Variants in PLD5 observed in about 807,000 individuals in gnomAD.
The protein encoded by PLD5 is inactive phospholipase D5.
In PLD5, 36 loss-of-function variants were observed where a neutral mutation model predicts 61.1. That is an observed-to-expected ratio of 0.59 (90% CI 0.45 to 0.78). The LOEUF (loss-of-function observed/expected upper bound fraction) is 0.78, where lower values mean the gene tolerates loss of function less well. Among genes scored for constraint, PLD5 ranks in the 30% least tolerant of loss-of-function variants. PLD5 has a pLI of 0.00. For missense variants in PLD5, 515 were observed against 644.4 expected (o/e 0.80, Z 2.17); for synonymous variants, 243 against 242.8 (o/e 1.00, Z -0.01).
chr1:242,439,164 T>C (rs1666154534), intron 1 of PLD5, among the ~76,000 whole-genome samples: 2 of 152,178 alleles, frequency 1.3e-5, no homozygotes, highest in African/African-American at 2.4e-5. Flanking sequence ...AACAAATAGA[T>C]CAAAATGTAG....
intron 5 of PLD5, among the ~76,000 whole-genome samples, chr1:242,141,907 C>T (rs940936806): frequency 7.2e-5 from 11 of 152,206 alleles, no homozygotes; most frequent in African/African-American, 2.2e-4. Context: ...TCTTGCATCT[C>T]CACTTCCAGA....
chr1:242,488,108 T>A (rs1668025033), intron 1 of PLD5, among the ~76,000 whole-genome samples: 1 of 152,180 alleles, frequency 6.6e-6, no homozygotes, highest in Non-Finnish European at 1.5e-5. Flanking sequence ...GAACTCTCAT[T>A]AATTGCTAGT....
chr1:242,193,217 T>C (rs1403452523), intron 5 of PLD5, among the ~76,000 whole-genome samples: 1 of 151,954 alleles, frequency 6.6e-6, no homozygotes, highest in Non-Finnish European at 1.5e-5. Flanking sequence ...TCTAGTTTGC[T>C]CTCCAATGTC....
intron 1 of PLD5, among the ~76,000 whole-genome samples, chr1:242,386,888 C>A (rs1160002890): frequency 1.3e-5 from 2 of 152,118 alleles, no homozygotes; most frequent in African/African-American, 4.8e-5. Context: ...GAGGAAGCAT[C>A]ATGTTGTCTG....
intron 1 of PLD5, among the ~76,000 whole-genome samples, chr1:242,354,187 C>T (rs1396127021): frequency 6.6e-6 from 1 of 152,118 alleles, no homozygotes; most frequent in Non-Finnish European, 1.5e-5. Context: ...GCATAAGACA[C>T]TCCCCACCAG....
intron 2 of PLD5, among the ~76,000 whole-genome samples, chr1:242,333,089 G>T (rs1262586948): frequency 2.0e-5 from 3 of 152,130 alleles, no homozygotes; most frequent in Non-Finnish European, 4.4e-5. Flanking sequence ...TTAGGGCCCA[G>T]GAAAACATAT....
Position 242,261,916 on chromosome 1 carries a change from C to T in PLD5, c.607+3421G>A, listed in dbSNP as rs116658835. 3.9e-3 allele frequency among the ~76,000 whole-genome samples: 598 copies of T among 152,236 alleles called. 5 individuals are homozygous for T. Among genetic ancestry groups the T allele is most frequent in the African/African-American group, 0.013 (545 of 41,554 alleles). The stretch of plus-strand genomic sequence containing the variant: ...ACAACCACTTAGAAAACTGACTGGC[C>T]GTATCTATCGAAATCGAACACATAT... On this transcript the variant is annotated intron_variant, in intron 4 of 9. Transcript: ENST00000536534.
chr1:242,402,477 T>C (rs1312164116), intron 1 of PLD5, among the ~76,000 whole-genome samples: 1 of 152,174 alleles, frequency 6.6e-6, no homozygotes, highest in Non-Finnish European at 1.5e-5. Context: ...TAATTTAAAA[T>C]AAGGGTAATT....
intron 3 of PLD5, among the ~76,000 whole-genome samples, chr1:242,278,829 A>T (rs1359551431): frequency 6.6e-6 from 1 of 152,214 alleles, no homozygotes; most frequent in Non-Finnish European, 1.5e-5. Context: ...GCCACATTTA[A>T]AATGGGAGGA....
chr1:242,437,126 C>T (rs1666032487), intron 1 of PLD5, among the ~76,000 whole-genome samples: 1 of 152,148 alleles, frequency 6.6e-6, no homozygotes, highest in South Asian at 2.1e-4. Flanking sequence ...ACAAGATGAT[C>T]TGTAAGAACT....
intron 1 of PLD5, among the ~76,000 whole-genome samples, chr1:242,497,569 C>G (rs1219892651): frequency 6.6e-6 from 1 of 152,156 alleles, no homozygotes; most frequent in African/African-American, 2.4e-5. Flanking sequence ...GTTTGAATAC[C>G]AGGTCTCCAC....
chr1:242,348,923 A>C (rs138272624), intron 1 of PLD5, among the ~76,000 whole-genome samples: 1 of 152,008 alleles, frequency 6.6e-6, no homozygotes, highest in Non-Finnish European at 1.5e-5. Flanking sequence ...GCGTGGTGGC[A>C]GGCGCCTGTA....
intron 5 of PLD5, among the ~76,000 whole-genome samples, chr1:242,207,878 T>TTA (rs1209797290): frequency 1.2e-4 from 2 of 17,166 alleles, no homozygotes; most frequent in African/African-American, 8.7e-4. Flanking sequence ...TTATATATAT[T>TTA]TATATATTTA....
At chr1:242,097,024 T>A (rs1456063085) in intron 9 of PLD5, among the ~76,000 whole-genome samples, 1 of 152,066 alleles carries the variant, frequency 6.6e-6, no homozygotes, top group East Asian at 1.9e-4. Context: ...CTTGTGATAG[T>A]TTGCTGAGAA....
chr1:242,251,793 C>G (rs1039056130), intron 4 of PLD5, among the ~76,000 whole-genome samples: 3 of 151,952 alleles, frequency 2.0e-5, no homozygotes, highest in Non-Finnish European at 4.4e-5. Context: ...AAAAACTTGA[C>G]TGAAATTCCT....
chr1:242,231,159 TA>T (rs1671273667), intron 4 of PLD5, among the ~76,000 whole-genome samples: 3 of 152,158 alleles, frequency 2.0e-5, no homozygotes, highest in East Asian at 1.9e-4. Context: ...TTAGTTCTAT[TA>T]AAAAATAATA....
chr1:242,186,575 G>A (rs112348337), intron 5 of PLD5, among the ~76,000 whole-genome samples: 2 of 152,078 alleles, frequency 1.3e-5, no homozygotes, highest in African/African-American at 4.8e-5. Flanking sequence ...GAGAAACTAT[G>A]CAGTTAAAAC....
At chr1:242,429,114 T>A (rs1194904924) in intron 1 of PLD5, among the ~76,000 whole-genome samples, 1 of 152,166 alleles carries the variant, frequency 6.6e-6, no homozygotes, top group Non-Finnish European at 1.5e-5. Context: ...GAAAAAGTCA[T>A]CTGATGAGAA....
chr1:242,319,841 C>T (rs574601518), intron 2 of PLD5, among the ~76,000 whole-genome samples: 70 of 152,304 alleles, frequency 4.6e-4, no homozygotes, highest in Admixed American at 3.1e-3. Flanking sequence ...TATTCCTCTA[C>T]CCCCTCTCAC....
Sources: allele counts gnomAD v4.1 joint callset (sites outside exome capture counted in the v4.1 genomes callset), GRCh38; gene constraint gnomAD v4.1.1; transcripts MANE v1.5; gene names NCBI Gene and HGNC (gene_info 2026-07-23, HGNC 2026-07-21).